The following GALNT17 variants were observed in gnomAD, a reference collection of about 807,000 sequenced individuals.
GALNT17 encodes the protein polypeptide N-acetylgalactosaminyltransferase 17.
A neutral mutation model predicts 63.7 loss-of-function variants in GALNT17; 29 were observed. The ratio of observed to expected loss-of-function variants is 0.46; its 90% CI spans 0.34 to 0.62. GALNT17 has a LOEUF of 0.62. Ranked by LOEUF, GALNT17 falls within the 20% of genes least tolerant of loss-of-function variation. GALNT17 has a pLI of 0.01. For synonymous variants in GALNT17, 305 were observed against 318.3 expected (o/e 0.96, Z 0.45); for missense variants, 603 against 799.6 (o/e 0.75, Z 2.97).
chr7:71,670,225 T>G, intron 8 of GALNT17, 116 bp downstream of exon 8: 1 of 1,417,338 alleles, frequency 7.1e-7, no homozygotes, highest in Non-Finnish European at 9.8e-7. Flanking sequence ...TTTTTGGAGG[T>G]GCTGGCCCTG....
intron 6 of GALNT17, among the ~76,000 whole-genome samples, chr7:71,608,716 T>C (rs182146758): frequency 6.6e-6 from 1 of 151,980 alleles, no homozygotes; most frequent in Non-Finnish European, 1.5e-5. Context: ...TTGTGAGTAG[T>C]GAGGGCTTGA....
chr7:71,576,749 G>A (rs1024472646), intron 6 of GALNT17, among the ~76,000 whole-genome samples: 3 of 152,088 alleles, frequency 2.0e-5, no homozygotes, highest in African/African-American at 7.2e-5. Flanking sequence ...TGTATTTTTA[G>A]TAGAGACAGG....
chr7:71,441,990 G>T (rs1380592995), intron 5 of GALNT17, among the ~76,000 whole-genome samples: 2 of 152,048 alleles, frequency 1.3e-5, no homozygotes, highest in African/African-American at 2.4e-5. Context: ...AATCCTTTGG[G>T]TATATGCCCA....
intron 1 of GALNT17, among the ~76,000 whole-genome samples, chr7:71,299,110 C>T (rs530290277): frequency 6.6e-6 from 1 of 152,244 alleles, no homozygotes; most frequent in Non-Finnish European, 1.5e-5. Flanking sequence ...GGCTTTTAGA[C>T]CACCTGGGCC....
chr7:71,272,534 A>G (rs1007126913), intron 1 of GALNT17, among the ~76,000 whole-genome samples: 1 of 152,142 alleles, frequency 6.6e-6, no homozygotes, highest in African/African-American at 2.4e-5. Flanking sequence ...GTAGGTGTGT[A>G]GATGTCATGC....
chr7:71,507,004 G>A (rs563165320), intron 5 of GALNT17, among the ~76,000 whole-genome samples: 4 of 152,372 alleles, frequency 2.6e-5, no homozygotes, highest in East Asian at 3.9e-4. Flanking sequence ...GGAGGCTGAG[G>A]TGGGACGATC....
intron 1 of GALNT17, among the ~76,000 whole-genome samples, chr7:71,333,043 G>T (rs1791834238): frequency 6.6e-6 from 1 of 152,172 alleles, no homozygotes; most frequent in Admixed American, 6.5e-5. Flanking sequence ...CAGTTTAGTG[G>T]CTTGTAGTAT....
chr7:71,709,947 C>T (rs1369441178), intron 9 of GALNT17, among the ~76,000 whole-genome samples: 3 of 152,100 alleles, frequency 2.0e-5, no homozygotes, highest in Non-Finnish European at 4.4e-5. Flanking sequence ...ATTTTTGTTT[C>T]TTTTCATACC....
intron 6 of GALNT17, among the ~76,000 whole-genome samples, chr7:71,629,133 G>T (rs768270035): frequency 1.3e-5 from 2 of 152,008 alleles, no homozygotes; most frequent in Non-Finnish European, 2.9e-5. Context: ...TTCAGAGAGA[G>T]GACCCTAGCA....
intron 1 of GALNT17, among the ~76,000 whole-genome samples, chr7:71,158,415 G>A (rs1271009228): frequency 4.6e-5 from 7 of 150,966 alleles, no homozygotes; most frequent in Non-Finnish European, 1.0e-4. Context: ...TGTTTTTTGA[G>A]ATAGTGTCTC....
chr7:71,233,929 GAGA>G (rs1453214980), intron 1 of GALNT17, among the ~76,000 whole-genome samples: 1 of 152,142 alleles, frequency 6.6e-6, no homozygotes, highest in Non-Finnish European at 1.5e-5. Context: ...CACATGGCCA[GAGA>G]AGGAGAAAGT....
At chr7:71,216,625 CACACAT>C (rs1789485815) in intron 1 of GALNT17, among the ~76,000 whole-genome samples, 1 of 151,850 alleles carries the variant, frequency 6.6e-6, no homozygotes, top group Non-Finnish European at 1.5e-5. Flanking sequence ...GACACACACA[CACACAT>C]ATACATATAT....
chr7:71,628,371 G>A (rs1455337574), intron 6 of GALNT17, among the ~76,000 whole-genome samples: 1 of 151,918 alleles, frequency 6.6e-6, no homozygotes, highest in South Asian at 2.1e-4. Context: ...CGACCAGACT[G>A]GAGTGCAGTG....
chr7:71,670,927 T>C (rs905073993), intron 8 of GALNT17, among the ~76,000 whole-genome samples: 3 of 151,978 alleles, frequency 2.0e-5, no homozygotes, highest in Non-Finnish European at 4.4e-5. Flanking sequence ...CATGTGTGTG[T>C]ATATGTGTGC....
chr7:71,570,817 TA>T (rs1789427467), intron 5 of GALNT17, among the ~76,000 whole-genome samples: 1 of 151,928 alleles, frequency 6.6e-6, no homozygotes, highest in Non-Finnish European at 1.5e-5. Context: ...CCGGCTCTAC[TA>T]AAAATACAAA....
At chr7:71,690,447 C>T (rs1292891044) in intron 9 of GALNT17, among the ~76,000 whole-genome samples, 1 of 152,082 alleles carries the variant, frequency 6.6e-6, no homozygotes, top group Non-Finnish European at 1.5e-5. Context: ...GGATACGTAC[C>T]AAAAGATGAA....
chr7:71,329,538 A>G (rs751513147), intron 1 of GALNT17, among the ~76,000 whole-genome samples: 4 of 152,080 alleles, frequency 2.6e-5, no homozygotes, highest in African/African-American at 4.8e-5. Flanking sequence ...AAGAGGTTTA[A>G]TTCCCTCACT....
intron 5 of GALNT17, among the ~76,000 whole-genome samples, chr7:71,457,571 T>C (rs980796497): frequency 6.6e-6 from 1 of 152,212 alleles, no homozygotes; most frequent in Non-Finnish European, 1.5e-5. Context: ...CTTGATGATA[T>C]GCTAAACAAG....
chr7:71,672,313 G>T (rs2117058776), intron 8 of GALNT17, among the ~76,000 whole-genome samples: 1 of 152,198 alleles, frequency 6.6e-6, no homozygotes, highest in Non-Finnish European at 1.5e-5. Context: ...AGCATTACAT[G>T]AAAGAAATAA....
Sources: gnomAD v4.1 joint callset for allele counts (sites outside exome capture counted in the v4.1 genomes callset) on GRCh38, gnomAD v4.1.1 for gene constraint, MANE v1.5 for transcripts, NCBI Gene and HGNC (gene_info 2026-07-23, HGNC 2026-07-21) for gene names.